CCSER1: variants seen among roughly 807,000 people sequenced by gnomAD.
CCSER1 encodes serine-rich coiled-coil domain-containing protein 1.
CCSER1 carries 41 observed loss-of-function variants against 82.0 expected under a neutral mutation model. The observed-to-expected ratio is 0.50, with a 90% CI of 0.39 to 0.65. The LOEUF (loss-of-function observed/expected upper bound fraction) is 0.65. Among genes scored for constraint, CCSER1 ranks in the 30% least tolerant of loss-of-function variants. The pLI, the probability that CCSER1 is intolerant of heterozygous loss-of-function variation, is 0.00. For missense variants in CCSER1, 1,119 were observed against 1,064.2 expected (o/e 1.05, Z -0.72); for synonymous variants, 414 against 383.9 (o/e 1.08, Z -0.92).
intron 10 of CCSER1, among the ~76,000 whole-genome samples, chr4:91,368,401 G>A (rs980484180): frequency 7.2e-5 from 11 of 152,050 alleles, no homozygotes; most frequent in Non-Finnish European, 1.0e-4. Flanking sequence ...CAAAACAACA[G>A]ACTTGTTAAA....
At chr4:91,432,922 T>G (rs1385666322) in intron 10 of CCSER1, among the ~76,000 whole-genome samples, 1 of 152,160 alleles carries the variant, frequency 6.6e-6, no homozygotes, top group Non-Finnish European at 1.5e-5. Flanking sequence ...TAAAGAAATG[T>G]GTATTATGGA....
chr4:90,733,997 G>A (rs1250538568), intron 7 of CCSER1, among the ~76,000 whole-genome samples: 1 of 151,802 alleles, frequency 6.6e-6, no homozygotes, highest in Admixed American at 6.6e-5. Context: ...GGATAGCTTT[G>A]GCTATTCTGG....
At chr4:91,244,650 G>C (rs1739623916) in intron 10 of CCSER1, among the ~76,000 whole-genome samples, 1 of 152,134 alleles carries the variant, frequency 6.6e-6, no homozygotes, top group Admixed American at 6.5e-5. Flanking sequence ...TTCAACTCCT[G>C]GAAAGCCTTC....
chr4:90,333,609 C>T (rs186031661), intron 3 of CCSER1, among the ~76,000 whole-genome samples: 3 of 152,298 alleles, frequency 2.0e-5, no homozygotes, highest in African/African-American at 7.2e-5. Context: ...GTGGTTCTAG[C>T]ATGTGAGTTT....
intron 10 of CCSER1, among the ~76,000 whole-genome samples, chr4:91,558,262 T>C (rs1270976405): frequency 6.6e-6 from 1 of 151,564 alleles, no homozygotes; most frequent in South Asian, 2.1e-4. Context: ...TTGGTTCCCA[T>C]GTTATTTCCA....
chr4:90,511,247 G>A (rs1052605604), intron 5 of CCSER1, among the ~76,000 whole-genome samples: 14 of 152,056 alleles, frequency 9.2e-5, no homozygotes, highest in Middle Eastern at 6.8e-3. Flanking sequence ...GTGAAACCCC[G>A]TCTCTACTAA....
At chr4:90,271,826 T>TTATATATATATATATATATATA (rs1189309598) in intron 1 of CCSER1, among the ~76,000 whole-genome samples, 6 of 42,848 alleles carry the variant, frequency 1.4e-4, no homozygotes, top group African/African-American at 3.5e-4. Flanking sequence ...ACTGGACAAT[T>TTATATATATATATATATATATA]TATATATATA....
chr4:90,236,189 A>C (rs1411555572), intron 1 of CCSER1, among the ~76,000 whole-genome samples: 2 of 152,172 alleles, frequency 1.3e-5, no homozygotes, highest in Admixed American at 1.3e-4. Context: ...GTGGCCTCGC[A>C]AAATGTTGGG....
At chr4:90,955,984 T>C (rs961332813) in intron 9 of CCSER1, among the ~76,000 whole-genome samples, 3 of 152,328 alleles carry the variant, frequency 2.0e-5, no homozygotes, top group African/African-American at 7.2e-5. Context: ...TTTTCTTGTG[T>C]ATTATATATA....
intron 10 of CCSER1, among the ~76,000 whole-genome samples, chr4:91,113,927 A>G (rs1726319093): frequency 6.6e-6 from 1 of 150,792 alleles, no homozygotes; most frequent in African/African-American, 2.5e-5. Context: ...ATCTCGGCTC[A>G]CTGCAAGCTC....
At chr4:90,216,589 A>G (rs1741072882) in intron 1 of CCSER1, among the ~76,000 whole-genome samples, 1 of 152,088 alleles carries the variant, frequency 6.6e-6, no homozygotes, top group Non-Finnish European at 1.5e-5. Context: ...TAGGTGTGTG[A>G]CTTTGTTTCT....
intron 7 of CCSER1, among the ~76,000 whole-genome samples, chr4:90,740,031 C>A (rs1476848972): frequency 2.0e-5 from 3 of 152,124 alleles, no homozygotes; most frequent in Non-Finnish European, 2.9e-5. Flanking sequence ...CTGGAGGCTT[C>A]TATTCAGCCA....
chr4:90,197,453 C>T (rs1459085372), intron 1 of CCSER1, among the ~76,000 whole-genome samples: 4 of 152,108 alleles, frequency 2.6e-5, no homozygotes, highest in African/African-American at 9.7e-5. Context: ...GAAAGGATAG[C>T]AGTATATCCA....
chr4:91,006,859 T>C (rs1054336504), intron 9 of CCSER1, among the ~76,000 whole-genome samples: 3 of 152,184 alleles, frequency 2.0e-5, no homozygotes, highest in Non-Finnish European at 4.4e-5. Context: ...GGCATCCTTG[T>C]CTTGTTCCAG....
intron 9 of CCSER1, among the ~76,000 whole-genome samples, chr4:91,046,518 T>C (rs1742501622): frequency 6.6e-6 from 1 of 152,166 alleles, no homozygotes; most frequent in African/African-American, 2.4e-5. Context: ...ATTGTTTCTT[T>C]ACTTAGATGA....
chr4:90,359,832 T>G (rs992794716), intron 3 of CCSER1, among the ~76,000 whole-genome samples: 7 of 150,756 alleles, frequency 4.6e-5, no homozygotes, highest in Admixed American at 2.0e-4. Context: ...TATGTGTATA[T>G]ATATGTGTAT....
rs5860234 is a variant in CCSER1 at position 91,444,458 on chromosome 4, C to CTT, written c.2218-154106_2218-154105dup. On this transcript the variant is annotated intron_variant, in intron 10 of 10. Transcript: ENST00000509176. Reference sequence around the variant, plus strand: ...TTTTTTTAAAGTGCCAATTCTTTTGCTTTTTTTTTGAGACAGAGTCTCCCT... The same window carrying CTT: ...TTTTTTTAAAGTGCCAATTCTTTTGCTTTTTTTTTTTGAGACAGAGTCTCCCT... Among the ~76,000 whole-genome samples the CTT allele has an allele frequency of 1.8e-3, 273 of 149,998 alleles. 3 individuals are homozygous for CTT. The East Asian group carries it at 0.021, about 11-fold the overall frequency.
At chr4:90,249,914 A>G (rs1396453050) in intron 1 of CCSER1, among the ~76,000 whole-genome samples, 1 of 152,116 alleles carries the variant, frequency 6.6e-6, no homozygotes, top group East Asian at 1.9e-4. Context: ...TATTAATATC[A>G]ATCTCCATTA....
At chr4:90,905,809 C>G (rs78781196) in intron 8 of CCSER1, among the ~76,000 whole-genome samples, 3,059 of 152,198 alleles carry the variant, frequency 0.02, 112 homozygotes, top group African/African-American at 0.07. Context: ...GGAGTTGTGT[C>G]CTACTCAGGA....
Sources: gnomAD v4.1 joint callset for allele counts (sites outside exome capture counted in the v4.1 genomes callset) on GRCh38, gnomAD v4.1.1 for gene constraint, MANE v1.5 for transcripts, NCBI Gene and HGNC (gene_info 2026-07-23, HGNC 2026-07-21) for gene names.